Variants in FAT3 observed in about 807,000 individuals in gnomAD.
FAT3 encodes the protein protocadherin Fat 3.
In FAT3, 95 loss-of-function variants were observed where a neutral mutation model predicts 310.2. The ratio of observed to expected loss-of-function variants is 0.31; its 90% CI spans 0.26 to 0.36. The LOEUF (loss-of-function observed/expected upper bound fraction) is 0.36. Ranked by LOEUF, FAT3 falls within the 10% of genes least tolerant of loss-of-function variation. The pLI is 1.00. For synonymous variants in FAT3, 2,314 were observed against 2,192.9 expected (o/e 1.06, Z -1.54); for missense variants, 5,408 against 5,715.6 (o/e 0.95, Z 1.74).
intron 4 of FAT3, among the ~76,000 whole-genome samples, chr11:92,698,068 G>A (rs1240782427): frequency 6.6e-6 from 1 of 152,216 alleles, no homozygotes; most frequent in African/African-American, 2.4e-5. Flanking sequence ...TCTTTATTGG[G>A]AAGCTTGAAG....
chr11:92,475,734 A>T (rs72972479), intron 2 of FAT3, among the ~76,000 whole-genome samples: 5,025 of 152,296 alleles, frequency 0.033, 94 homozygotes, highest in African/African-American at 0.039. Flanking sequence ...CCAAATTTTT[A>T]AAAAGTTTTA....
intron 1 of FAT3, among the ~76,000 whole-genome samples, chr11:92,311,835 G>T (rs1173154029): frequency 6.6e-6 from 1 of 152,086 alleles, no homozygotes; most frequent in East Asian, 1.9e-4. Flanking sequence ...TTGTCATTCA[G>T]TCTCCCCTGG....
Position 92,799,327 on chromosome 11 carries a change from A to G in FAT3, c.6314A>G (p.Gln2105Arg). 3 of 1,613,914 alleles carry G rather than the reference A, an allele frequency of 1.9e-6. No homozygotes were observed. The highest frequency in any genetic ancestry group is 2.5e-6 in the Non-Finnish European group (3 of 1,179,864). ...GCGGAACCCGGGACTCTGATTTATCAGGTGACAGCCATTGACAAAGATAAA... is the reference window on the plus strand; with the variant it reads ...GCGGAACCCGGGACTCTGATTTATCGGGTGACAGCCATTGACAAAGATAAA... ...VDAEPGTLIYQVTAIDKDKGP... is the reference protein window; with the variant it reads ...VDAEPGTLIYRVTAIDKDKGP... The change falls in exon 10 of 28, where the codon CAG (glutamine) becomes CGG (arginine). Residue 2105 changes from glutamine (Q) to arginine (R), a missense_variant. By Grantham distance (43) the Gln-to-Arg change is conservative. Around this residue, in one of 5 missense-constraint regions of FAT3, gnomAD observed 4,588 missense variants for 4,809.8 expected, o/e 0.95. Transcript: ENST00000525166.
chr11:92,287,923 T>C (rs1250074379), intron 1 of FAT3, among the ~76,000 whole-genome samples: 1 of 152,084 alleles, frequency 6.6e-6, no homozygotes, highest in Admixed American at 6.6e-5. Context: ...TTTGGAGCCG[T>C]TTTGCAGGCA....
chr11:92,277,000 C>T (rs1022190300), intron 1 of FAT3, among the ~76,000 whole-genome samples: 15 of 152,140 alleles, frequency 9.9e-5, no homozygotes, highest in Admixed American at 9.2e-4. Context: ...TGATTGCTTG[C>T]AGCTGTAGCT....
At chr11:92,881,280 T>C (rs965291422) in intron 23 of FAT3, among the ~76,000 whole-genome samples, 4 of 152,206 alleles carry the variant, frequency 2.6e-5, no homozygotes, top group African/African-American at 9.7e-5. Flanking sequence ...CATTCTGAGA[T>C]ACTGAAACTT....
At chr11:92,444,308 G>A (rs1951157834) in intron 2 of FAT3, among the ~76,000 whole-genome samples, 1 of 144,304 alleles carries the variant, frequency 6.9e-6, no homozygotes, top group Admixed American at 7.2e-5. Flanking sequence ...AGCCCCCAGA[G>A]GTTAAGTCAC....
At chr11:92,369,379 A>T (rs1288815189) in intron 2 of FAT3, among the ~76,000 whole-genome samples, 1 of 152,146 alleles carries the variant, frequency 6.6e-6, no homozygotes, top group Admixed American at 6.5e-5. Flanking sequence ...TTTAAGGTTG[A>T]TGCCAAAGAA....
chr11:92,508,709 C>T (rs1394415697), intron 2 of FAT3, among the ~76,000 whole-genome samples: 2 of 152,114 alleles, frequency 1.3e-5, no homozygotes, highest in African/African-American at 4.8e-5. Context: ...CCAAGTGTAA[C>T]TTCGTGAAAG....
chr11:92,370,077 A>G (rs964907046), intron 2 of FAT3, among the ~76,000 whole-genome samples: 1 of 152,138 alleles, frequency 6.6e-6, no homozygotes, highest in Non-Finnish European at 1.5e-5. Flanking sequence ...TTTCACTCAG[A>G]CTCATTCTCC....
intron 1 of FAT3, among the ~76,000 whole-genome samples, chr11:92,315,479 G>GTGTATATA (rs1555009286): frequency 2.8e-4 from 18 of 65,180 alleles, no homozygotes; most frequent in Admixed American, 4.8e-4. Flanking sequence ...GTGTGTGTGT[G>GTGTATATA]TATATATATA....
intron 3 of FAT3, among the ~76,000 whole-genome samples, chr11:92,569,650 G>T (rs1955601524): frequency 6.6e-6 from 1 of 152,056 alleles, no homozygotes; most frequent in Non-Finnish European, 1.5e-5. Flanking sequence ...TCTTTCTATT[G>T]TTGTTTTCTC....
At chr11:92,668,668 A>G (rs1489310159) in intron 3 of FAT3, among the ~76,000 whole-genome samples, 1 of 152,184 alleles carries the variant, frequency 6.6e-6, no homozygotes, top group Non-Finnish European at 1.5e-5. Context: ...CCTTCATGAG[A>G]TTTAGAATAA....
At chr11:92,797,798 A>G in intron 9 of FAT3, 38 bp from the exon 10 acceptor site, 1 of 1,559,954 alleles carries the variant, frequency 6.4e-7, no homozygotes, top group East Asian at 2.3e-5. Context: ...TCAGTGACCC[A>G]CATGTAACTC....
rs1200733294 is a variant in FAT3 at position 92,322,275 on chromosome 11, TA to T, written c.-17-29815del. On this transcript the variant is annotated intron_variant, in intron 1 of 27. Transcript: ENST00000525166. Reference sequence around the variant, plus strand: ...TTAAGAATACAATAACATTATGCCTTAAAAAATATACATACCTTAATTTAAA... The same window carrying T: ...TTAAGAATACAATAACATTATGCCTTAAAAATATACATACCTTAATTTAAA... 3.3e-5 allele frequency among the ~76,000 whole-genome samples: 5 copies of T among 152,168 alleles called. No homozygotes were observed. The East Asian group carries it at 5.8e-4, about 18-fold the overall frequency.
chr11:92,286,692 A>G (rs1001566765), intron 1 of FAT3, among the ~76,000 whole-genome samples: 1 of 152,154 alleles, frequency 6.6e-6, no homozygotes, highest in Non-Finnish European at 1.5e-5. Context: ...GAAGAAAACT[A>G]TAGCTGTTGC....
intron 3 of FAT3, among the ~76,000 whole-genome samples, chr11:92,589,299 C>A (rs1018161881): frequency 1.3e-5 from 2 of 151,990 alleles, no homozygotes; most frequent in Non-Finnish European, 1.5e-5. Flanking sequence ...AGTGGGATGA[C>A]CATGATTTCC....
chr11:92,701,534 T>C (rs1325712868), intron 4 of FAT3, among the ~76,000 whole-genome samples: 2 of 152,224 alleles, frequency 1.3e-5, no homozygotes, highest in Non-Finnish European at 2.9e-5. Context: ...GTGTTAACTC[T>C]TGCCTGGTTT....
intron 1 of FAT3, among the ~76,000 whole-genome samples, chr11:92,334,558 T>C (rs563205784): frequency 7.2e-5 from 11 of 152,156 alleles, no homozygotes; most frequent in South Asian, 2.1e-4. Flanking sequence ...AGGGTTTTTT[T>C]TTTCTTTCTT....
Sources: allele counts gnomAD v4.1 joint callset (sites outside exome capture counted in the v4.1 genomes callset), GRCh38; gene constraint gnomAD v4.1.1; regional missense constraint gnomAD v4.1.1; transcripts MANE v1.5; gene names NCBI Gene and HGNC (gene_info 2026-07-23, HGNC 2026-07-21).